Variants in PHACTR1 observed in about 807,000 individuals in gnomAD.
PHACTR1 encodes the protein phosphatase and actin regulator 1, also known as RPEL repeat containing 1.
A neutral mutation model predicts 69.2 loss-of-function variants in PHACTR1; 16 were observed. That is an observed-to-expected ratio of 0.23 (90% CI 0.16 to 0.35). The LOEUF (loss-of-function observed/expected upper bound fraction) is 0.35. PHACTR1 is among the 10% of genes least tolerant of loss of function. The probability of loss-of-function intolerance (pLI) is 1.00; values close to 1 mark genes in which losing one functional copy is unlikely to be tolerated. For missense variants in PHACTR1, 510 were observed against 734.7 expected (o/e 0.69, Z 3.54); for synonymous variants, 312 against 284.5 (o/e 1.10, Z -0.97).
intron 10 of PHACTR1, among the ~76,000 whole-genome samples, chr6:13,270,863 T>C (rs1777554824): frequency 2.6e-5 from 4 of 152,148 alleles, no homozygotes; most frequent in Non-Finnish European, 5.9e-5. Context: ...ACAGGCAGCA[T>C]GGCCCTGGCA....
chr6:13,066,195 G>T (rs554166890), intron 5 of PHACTR1, among the ~76,000 whole-genome samples: 9 of 152,260 alleles, frequency 5.9e-5, no homozygotes, highest in Non-Finnish European at 1.3e-4. Context: ...CACTCTCTGC[G>T]TGTAAGTCCA....
At chr6:12,770,326 C>T (rs2127625065) in intron 4 of PHACTR1, among the ~76,000 whole-genome samples, 1 of 152,296 alleles carries the variant, frequency 6.6e-6, no homozygotes, top group East Asian at 1.9e-4. Context: ...TTTTTGGGAA[C>T]ATGAGTCTGG....
intron 4 of PHACTR1, among the ~76,000 whole-genome samples, chr6:12,828,693 G>C (rs761821826): frequency 2.0e-5 from 3 of 151,978 alleles, no homozygotes; most frequent in Non-Finnish European, 4.4e-5. Flanking sequence ...GAATGAAAAT[G>C]TATTGCTTTT....
At chr6:13,049,004 G>A (rs775467248) in intron 4 of PHACTR1, among the ~76,000 whole-genome samples, 5 of 152,160 alleles carry the variant, frequency 3.3e-5, no homozygotes, top group Non-Finnish European at 5.9e-5. Flanking sequence ...ATGTGATCCA[G>A]TCTGCTCAAT....
At chr6:13,180,080 G>A (rs947291456) in intron 6 of PHACTR1, among the ~76,000 whole-genome samples, 1 of 152,154 alleles carries the variant, frequency 6.6e-6, no homozygotes, top group Non-Finnish European at 1.5e-5. Flanking sequence ...TAGTCATCCA[G>A]TATAATCATT....
chr6:13,034,054 C>T (rs113599709), intron 4 of PHACTR1, among the ~76,000 whole-genome samples: 4,783 of 151,558 alleles, frequency 0.032, 254 homozygotes, highest in African/African-American at 0.11. Context: ...ATCTCGCTGT[C>T]GCCCATGCTT....
intron 12 of PHACTR1, chr6:13,279,390 A>G (rs1441798793): frequency 3.3e-5 from 5 of 152,246 alleles, no homozygotes; most frequent in Admixed American, 1.3e-4. Context: ...AGCCTCCTAC[A>G]GTGACCATCT....
intron 4 of PHACTR1, among the ~76,000 whole-genome samples, chr6:12,921,129 G>T (rs1276752228): frequency 6.6e-6 from 1 of 152,194 alleles, no homozygotes; most frequent in Admixed American, 6.5e-5. Flanking sequence ...ACCTGGGAAT[G>T]GGCACCTCCT....
chr6:12,766,597 C>T (rs1292910961), intron 4 of PHACTR1, among the ~76,000 whole-genome samples: 1 of 152,152 alleles, frequency 6.6e-6, no homozygotes, highest in Non-Finnish European at 1.5e-5. Context: ...GCAACACATA[C>T]ACCATGGAAG....
At chr6:12,738,793 A>G (rs974843749) in intron 3 of PHACTR1, among the ~76,000 whole-genome samples, 2 of 152,146 alleles carry the variant, frequency 1.3e-5, no homozygotes, top group Non-Finnish European at 2.9e-5. Flanking sequence ...TGAACCTGGG[A>G]GGCGGAAGTT....
At chr6:13,177,321 G>A (rs73371745) in intron 6 of PHACTR1, among the ~76,000 whole-genome samples, 8,774 of 151,720 alleles carry the variant, frequency 0.058, 411 homozygotes, top group African/African-American at 0.13. Context: ...GCAACACTCT[G>A]AGAGCAAGAC....
intron 4 of PHACTR1, among the ~76,000 whole-genome samples, chr6:12,980,759 CA>C (rs998609973): frequency 6.6e-6 from 1 of 152,202 alleles, no homozygotes; most frequent in African/African-American, 2.4e-5. Context: ...AGACCAAAGA[CA>C]AAGACAGCCC....
intron 4 of PHACTR1, among the ~76,000 whole-genome samples, chr6:12,752,002 A>C (rs1766681858): frequency 6.6e-6 from 1 of 152,162 alleles, no homozygotes; most frequent in Non-Finnish European, 1.5e-5. Context: ...AAAATGCATA[A>C]GATCAGGCTA....
rs575840616 is a variant in PHACTR1, at chr6:12,986,368, C to T, written c.251-66997C>T. Among the ~76,000 whole-genome samples the T allele has an allele frequency of 3.0e-4, 45 of 152,226 alleles. 1 individual carries two copies. The South Asian group carries it at 9.3e-3, about 32-fold the overall frequency. On this transcript the variant is annotated intron_variant, in intron 4 of 14. Coordinates refer to ENST00000332995, the MANE Select transcript of PHACTR1 (RefSeq NM_030948.6). ...AGTATTGCCTAAAGTCTTTTCAGAC[C>T]TTTCATTACTAAATAGACAATAGTT... is the stretch of plus-strand genomic sequence containing the variant.
intron 4 of PHACTR1, among the ~76,000 whole-genome samples, chr6:12,762,677 TCCTC>T (rs1177313132): frequency 2.6e-5 from 4 of 152,160 alleles, no homozygotes; most frequent in Non-Finnish European, 5.9e-5. Flanking sequence ...ACCTCAGAAC[TCCTC>T]CCTGTGCCAT....
At chr6:13,269,104 G>A (rs1207383056) in intron 10 of PHACTR1, among the ~76,000 whole-genome samples, 4 of 148,148 alleles carry the variant, frequency 2.7e-5, no homozygotes, top group African/African-American at 5.0e-5. Context: ...CAGACACTTC[G>A]CATAAGACTC....
intron 4 of PHACTR1, among the ~76,000 whole-genome samples, chr6:12,907,607 G>A (rs1033014895): frequency 4.6e-5 from 7 of 152,124 alleles, no homozygotes; most frequent in Admixed American, 2.6e-4. Flanking sequence ...CTCCAAATCA[G>A]CCTGGTACCA....
intron 4 of PHACTR1, among the ~76,000 whole-genome samples, chr6:12,935,825 T>A (rs1465842619): frequency 6.6e-6 from 1 of 152,154 alleles, no homozygotes; most frequent in Non-Finnish European, 1.5e-5. Flanking sequence ...GTTCTGTGTT[T>A]GGCCCTTCAC....
intron 4 of PHACTR1, among the ~76,000 whole-genome samples, chr6:12,845,433 C>G (rs1035713316): frequency 9.4e-5 from 5 of 53,074 alleles, no homozygotes; most frequent in African/African-American, 3.1e-4. Flanking sequence ...CCACCCACCC[C>G]CCCCCCCCCC....
Sources: allele counts gnomAD v4.1 joint callset (sites outside exome capture counted in the v4.1 genomes callset), GRCh38; gene constraint gnomAD v4.1.1; transcripts MANE v1.5; gene names NCBI Gene and HGNC (gene_info 2026-07-23, HGNC 2026-07-21).